PTBP1: variants seen among roughly 807,000 people sequenced by gnomAD.
PTBP1 encodes the protein polypyrimidine tract binding protein 1.
A neutral mutation model predicts 59.8 loss-of-function variants in PTBP1; 8 were observed. The ratio of observed to expected loss-of-function variants is 0.13; its 90% CI spans 0.08 to 0.24. The LOEUF is 0.24. Ranked by LOEUF, PTBP1 falls within the 10% of genes least tolerant of loss-of-function variation. The pLI, the probability that PTBP1 is intolerant of heterozygous loss-of-function variation, is 1.00. For synonymous variants in PTBP1, 490 were observed against 320.7 expected, an observed-to-expected ratio of 1.53 and a Z score of -5.64; for missense variants, 686 against 767.0, an observed-to-expected ratio of 0.89 and a Z score of 1.25.
intron 2 of PTBP1, among the ~76,000 whole-genome samples, chr19:800,513 G>A (rs896109426): frequency 2.0e-5 from 3 of 152,158 alleles, no homozygotes; most frequent in African/African-American, 7.2e-5. Context: ...GGGGGCTCCC[G>A]ACTTCAGGGC....
intron 13 of PTBP1, among the ~76,000 whole-genome samples, chr19:809,040 G>A (rs1429175853): frequency 6.6e-6 from 1 of 152,134 alleles, no homozygotes; most frequent in Non-Finnish European, 1.5e-5. Flanking sequence ...GCGAAGTCTT[G>A]CTTTGTCACC....
At chr19:801,221 C>G (rs1331956557) in intron 2 of PTBP1, among the ~76,000 whole-genome samples, 1 of 152,168 alleles carries the variant, frequency 6.6e-6, no homozygotes, top group East Asian at 1.9e-4. Context: ...CTGAAGGGAC[C>G]CTCCTGGGGT....
chr19:803,706 T>A lies in PTBP1; in HGVS notation c.115+70T>A, dbSNP rs1182884253. ...CCCTGGAACAACGTTACGTTCTTGT[T>A]CTGGGACTCTACTTTCCATCTCCAA... On this transcript the variant is annotated intron_variant, in intron 3 of 14. Coordinates refer to ENST00000356948, the MANE Select transcript of PTBP1 (RefSeq NM_002819.5). 3 of 1,376,362 alleles carry A rather than the reference T, an allele frequency of 2.2e-6. No individual in the cohort carries two copies. In the African/African-American group the frequency reaches 4.3e-5, roughly 20 times the overall value. 85.3% of individuals were successfully genotyped at this position (1,376,362 alleles called of 1,614,324 possible).
rs188048304 is a variant in PTBP1 at position 808,834 on chromosome 19, G to A, written c.1463+72G>A. The A allele has an allele frequency of 2.5e-4, 355 of 1,419,548 alleles. 1 individual carries two copies. Among genetic ancestry groups the A allele is most frequent in the Middle Eastern group, 8.7e-4 (5 of 5,724 alleles). 87.9% of individuals were successfully genotyped at this position (1,419,548 alleles called of 1,614,324 possible). A position where few individuals can be genotyped will look rare whatever the true frequency, so the allele number is the denominator to read the frequency against. ...CTCTGCTTGGCTGTCCTACCGCGTC[G>A]GTGTGTGGACTTCTGGCGTTTCCAG... is the stretch of plus-strand genomic sequence containing the variant. On this transcript the variant is annotated intron_variant, in intron 13 of 14. Coordinates refer to ENST00000356948, the MANE Select transcript of PTBP1 (RefSeq NM_002819.5). This position sits in a 1 kb window ranked among gnomAD's most constrained non-coding sequence, Gnocchi z 4.7.
At position 808,477 on chromosome 19, in the gene PTBP1, G is replaced by C. The variant is rs1404133273; in HGVS notation, c.1246+25G>C. 5.7e-6 allele frequency: 9 copies of C among 1,573,484 alleles called. No individual in the cohort carries two copies. The highest frequency in any genetic ancestry group is 6.9e-6 in the Non-Finnish European group (8 of 1,160,750). On this transcript the variant is annotated intron_variant, in intron 12 of 14. Coordinates refer to ENST00000356948, the MANE Select transcript of PTBP1 (RefSeq NM_002819.5). The surrounding 1 kb of genome is among the most constrained non-coding windows in gnomAD (Gnocchi z 4.7). Reference sequence around the variant, plus strand: ...GGTAAGAGGCCGGGGCGGCCCCGGGGTGGAGGGGGCAGGGGCGGGGGCTGC... The same window carrying C: ...GGTAAGAGGCCGGGGCGGCCCCGGGCTGGAGGGGGCAGGGGCGGGGGCTGC...
intron 2 of PTBP1, among the ~76,000 whole-genome samples, chr19:800,433 C>G (rs539574417): frequency 1.1e-4 from 17 of 152,246 alleles, no homozygotes; most frequent in Non-Finnish European, 1.9e-4. Context: ...GGAGGCGATT[C>G]TCGAGGGAGC....
chr19:801,209 CCCTGAAGGGACCCT>C (rs1244698640), intron 2 of PTBP1, among the ~76,000 whole-genome samples: 3 of 152,194 alleles, frequency 2.0e-5, no homozygotes, highest in African/African-American at 7.2e-5. Context: ...AGGACAGGTG[CCCTGAAGGGACCCT>C]CCTGGGGTAC....
Position 810,776 on chromosome 19 carries a change from C to T in PTBP1, c.1624C>T (p.Leu542Phe). Residue 542 changes from leucine (L) to phenylalanine (F), a missense_variant, in exon 15 of 15, where the codon CTC (leucine) becomes TTC (phenylalanine). Transcript: ENST00000356948. ...CCTCATTGACCTGCACAACCACGAC[C>T]TCGGGGAGAACCACCACCTGCGGGT... ...QALIDLHNHD[L>F]GENHHLRVSF... 1.2e-6 allele frequency: 2 copies of T among 1,603,314 alleles called. No individual in the cohort carries two copies. Among genetic ancestry groups the T allele is most frequent in the Non-Finnish European group, 1.7e-6 (2 of 1,176,468 alleles).
rs535602629 is a variant in PTBP1, at chr19:799,479, C to T, written c.39+36C>T. 33 of 1,611,482 alleles carry T rather than the reference C, an allele frequency of 2.0e-5. 1 individual carries two copies. The highest frequency in any genetic ancestry group is 2.0e-4 in the Admixed American group (12 of 60,018). ...CTCACTTTGCTTCTCCGTGACGCTCCTCTGACCTTGTGCCGACCCCGGGGG... is the reference window on the plus strand; with the variant it reads ...CTCACTTTGCTTCTCCGTGACGCTCTTCTGACCTTGTGCCGACCCCGGGGG... On this transcript the variant is annotated intron_variant, in intron 2 of 14. Coordinates refer to ENST00000356948, the MANE Select transcript of PTBP1 (RefSeq NM_002819.5).
chr19:805,081 C>T lies in PTBP1; in HGVS notation c.786C>T (p.Ser262=). The T allele has an allele frequency of 6.2e-7, 1 of 1,613,936 alleles. No homozygotes were observed. Residue 262 remains serine, a synonymous_variant, in exon 8 of 15, where the codon AGC becomes AGT. Transcript: ENST00000356948. ...GCATCGACTTTTCCAAGCTCACCAG[C>T]CTCAACGTCAAGTACAACAATGACA... The part of the protein sequence containing the change: ...TLRIDFSKLT[S]LNVKYNNDKS...
Position 808,627 on chromosome 19 carries a change from C to T in PTBP1, c.1328C>T (p.Pro443Leu), listed in dbSNP as rs756034141. The T allele has an allele frequency of 1.2e-6, 2 of 1,610,936 alleles. No homozygotes were observed. The highest frequency in any genetic ancestry group is 2.1e-4 in the Middle Eastern group (1 of 4,652). The change falls in exon 13 of 15, where the codon CCC becomes CTC. Residue 443 changes from proline to leucine, a missense_variant. Physicochemically the swap from Pro to Leu is moderately conservative, Grantham distance 98. Transcript: ENST00000356948. This position sits in a 1 kb window ranked among gnomAD's most constrained non-coding sequence, Gnocchi z 4.7. Reference protein sequence around the residue: ...TLSKHQNVQLPREGQEDQGLT... With the variant: ...TLSKHQNVQLLREGQEDQGLT... Reference sequence around the variant, plus strand: ...TCGAAGCACCAGAACGTGCAGCTGCCCCGCGAGGGCCAGGAGGACCAGGGC... The same window carrying T: ...TCGAAGCACCAGAACGTGCAGCTGCTCCGCGAGGGCCAGGAGGACCAGGGC...
intron 13 of PTBP1, 34 bp from the exon 14 acceptor site, chr19:810,509 G>A (rs199915842): frequency 1.3e-5 from 21 of 1,597,064 alleles, no homozygotes; most frequent in East Asian, 4.5e-5. Context: ...CCACCCCCAC[G>A]CGGCCCCAGG....
At chr19:797,765 G>T (rs1289255943) in intron 1 of PTBP1, among the ~76,000 whole-genome samples, 5 of 144,706 alleles carry the variant, frequency 3.5e-5, no homozygotes, top group South Asian at 2.2e-4. Context: ...GGCCTCCCGC[G>T]CCCCTCCCCC....
At chr19:803,887 C>T in intron 3 of PTBP1, 149 bp from the exon 4 acceptor site, 1 of 945,314 alleles carries the variant, frequency 1.1e-6, no homozygotes. Flanking sequence ...CTGTGCAGGT[C>T]TTGGCCTCTC....
rs1431877905 is a variant in PTBP1, at chr19:811,512, A to G, written c.*686A>G. On this transcript the variant is annotated 3_prime_UTR_variant, in exon 15 of 15. Coordinates refer to ENST00000356948, the MANE Select transcript of PTBP1 (RefSeq NM_002819.5). The stretch of plus-strand genomic sequence containing the variant: ...CAAATATTCTAATCTTTTTTCATTT[A>G]TATGCAAAAGAAATAGTTTTAAGTA... The G allele has an allele frequency of 6.6e-6, 1 of 152,442 alleles. No individual in the cohort carries two copies. Among genetic ancestry groups the G allele is most frequent in the African/African-American group, 2.4e-5 (1 of 41,448 alleles). The allele number at this position is 152,442 out of a possible 1,614,324, so 9.4% of individuals were successfully genotyped here.
intron 3 of PTBP1, 123 bp downstream of exon 3, chr19:803,759 G>C: frequency 1.1e-6 from 1 of 929,322 alleles, no homozygotes; most frequent in Non-Finnish European, 1.7e-6. Flanking sequence ...CCACGCTACA[G>C]ACCCAGGTCC....
chr19:807,304 G>A (rs2034628781), intron 10 of PTBP1: 1 of 153,490 alleles, frequency 6.5e-6, no homozygotes, highest in African/African-American at 2.4e-5. Flanking sequence ...CGCTGCTGCA[G>A]GGCTTGGCTG....
At chr19:798,211 G>A (rs556504804) in intron 1 of PTBP1, among the ~76,000 whole-genome samples, 2 of 152,140 alleles carry the variant, frequency 1.3e-5, no homozygotes, top group African/African-American at 4.8e-5. Context: ...CCTCTCCAGG[G>A]ACCCCCGCGG....
chr19:811,221 T>TG lies in PTBP1; in HGVS notation c.*402dup, dbSNP rs370152508. ...CGGGGTGTCCTGGGGACCCAAGGGG[T>TG]GGGGGGGTCACACCAGAGAGAGGCA... On this transcript the variant is annotated 3_prime_UTR_variant, in exon 15 of 15. Coordinates refer to ENST00000356948, the MANE Select transcript of PTBP1 (RefSeq NM_002819.5). The TG allele has an allele frequency of 8.4e-4, 134 of 158,674 alleles. No homozygotes were observed. Among genetic ancestry groups the TG allele is most frequent in the Middle Eastern group, 6.2e-3 (2 of 324 alleles). 9.8% of individuals were successfully genotyped at this position (158,674 alleles called of 1,614,324 possible).
Sources: allele counts gnomAD v4.1 joint callset (sites outside exome capture counted in the v4.1 genomes callset), GRCh38; gene constraint gnomAD v4.1.1; non-coding constraint Gnocchi (gnomAD v3.1); transcripts MANE v1.5; gene names NCBI Gene and HGNC (gene_info 2026-07-23, HGNC 2026-07-21).